The following HHIP variants were observed in gnomAD, a reference collection of about 807,000 sequenced individuals.
The protein encoded by HHIP is hedgehog-interacting protein.
In HHIP, 12 loss-of-function variants were observed where a neutral mutation model predicts 74.0. The observed-to-expected ratio is 0.16, with a 90% confidence interval of 0.10 to 0.26. The LOEUF (loss-of-function observed/expected upper bound fraction) is 0.26. HHIP is among the 10% of genes least tolerant of loss of function. The pLI, the probability that HHIP is intolerant of heterozygous loss-of-function variation, is 1.00. For synonymous variants in HHIP, 309 were observed against 311.6 expected (o/e 0.99, Z 0.09); for missense variants, 788 against 845.0 (o/e 0.93, Z 0.84).
chr4:144,729,001 A>G lies in HHIP; in HGVS notation c.1761-5740A>G, dbSNP rs1054439468. ...TGACACTGAAGAAAGAAACACCGATATGACCAGGAAAAATTCAGTGAGCAG... is the reference window on the plus strand; with the variant it reads ...TGACACTGAAGAAAGAAACACCGATGTGACCAGGAAAAATTCAGTGAGCAG... On this transcript the variant is annotated intron_variant, in intron 11 of 12. Coordinates refer to ENST00000296575, the MANE Select transcript of HHIP (RefSeq NM_022475.3). Among the ~76,000 whole-genome samples the G allele has an allele frequency of 3.9e-4, 60 of 152,192 alleles. 1 individual carries two copies. Among genetic ancestry groups the G allele is most frequent in the Admixed American group, 3.9e-3 (60 of 15,256 alleles).
rs61027437 is a variant in HHIP at position 144,728,177 on chromosome 4, A to C, written c.1761-6564A>C. Among the ~76,000 whole-genome samples the C allele has an allele frequency of 1.2e-3, 187 of 152,342 alleles. 1 individual carries two copies. Among genetic ancestry groups the C allele is most frequent in the African/African-American group, 4.3e-3 (180 of 41,578 alleles). ...AACCTGTGGCTCGATTCACTAAGTTACTACTGCTTTTGCCTCCTTTGAAAG... is the reference window on the plus strand; with the variant it reads ...AACCTGTGGCTCGATTCACTAAGTTCCTACTGCTTTTGCCTCCTTTGAAAG... On this transcript the variant is annotated intron_variant, in intron 11 of 12. Transcript: ENST00000296575.
chr4:144,648,358 G>A (rs1728327926), intron 1 of HHIP: 1 of 152,158 alleles, frequency 6.6e-6, no homozygotes, highest in South Asian at 2.1e-4. Context: ...AAATGTTCAT[G>A]CCTTTTGAGG....
intron 11 of HHIP, among the ~76,000 whole-genome samples, chr4:144,721,888 G>A (rs1730647838): frequency 6.7e-6 from 1 of 149,350 alleles, no homozygotes; most frequent in Non-Finnish European, 1.5e-5. Context: ...GGGTGACAGA[G>A]CAAGACTCTG....
rs57340751 is a variant in HHIP, at chr4:144,682,577, C to T, written c.831+22739C>T. Among the ~76,000 whole-genome samples, 661 of 152,334 alleles carry T rather than the reference C, an allele frequency of 4.3e-3. 5 individuals are homozygous for T. Among genetic ancestry groups the T allele is most frequent in the African/African-American group, 0.016 (646 of 41,576 alleles). ...AGAGAGAGAGATTGCATTCACTTCT[C>T]ATTGATATTTCAATCAATGGAATTT... On this transcript the variant is annotated intron_variant, in intron 4 of 12. Transcript: ENST00000296575.
chr4:144,696,497 T>G (rs764234025), intron 4 of HHIP, among the ~76,000 whole-genome samples: 3 of 151,978 alleles, frequency 2.0e-5, no homozygotes, highest in African/African-American at 7.2e-5. Flanking sequence ...TACTTAAGAC[T>G]GTTTCAAAAC....
intron 11 of HHIP, among the ~76,000 whole-genome samples, chr4:144,719,877 A>T (rs1730582569): frequency 6.6e-6 from 1 of 152,214 alleles, no homozygotes; most frequent in South Asian, 2.1e-4. Context: ...AATTAACTCT[A>T]ATAATCTGAA....
At position 144,675,846 on chromosome 4, in the gene HHIP, T is replaced by C. The variant is rs115301111; in HGVS notation, c.831+16008T>C. On this transcript the variant is annotated intron_variant, in intron 4 of 12. Transcript: ENST00000296575. The stretch of plus-strand genomic sequence containing the variant: ...ATGTGGAATATTTCCATAATCTCTT[T>C]GGTTTATATTTCAGTTTATAGCATA... Among the ~76,000 whole-genome samples, 311 of 152,310 alleles carry C rather than the reference T, an allele frequency of 2.0e-3. 2 individuals are homozygous for C. Among genetic ancestry groups the C allele is most frequent in the African/African-American group, 7.1e-3 (297 of 41,582 alleles).
intron 4 of HHIP, among the ~76,000 whole-genome samples, chr4:144,706,066 T>G (rs1292041425): frequency 6.6e-6 from 1 of 152,234 alleles, no homozygotes; most frequent in Non-Finnish European, 1.5e-5. Flanking sequence ...CACAAGCAAT[T>G]TAACTGTTTT....
At chr4:144,716,297 T>C (rs33915726) in intron 10 of HHIP, among the ~76,000 whole-genome samples, 85,412 of 151,910 alleles carry the variant, frequency 0.56, 24,277 homozygotes, top group South Asian at 0.76. Flanking sequence ...AGAAATAGTT[T>C]CATGCCCTTT....
intron 8 of HHIP, 91 bp downstream of exon 8, chr4:144,712,162 G>A (rs911920224): frequency 1.0e-5 from 12 of 1,154,196 alleles, no homozygotes; most frequent in African/African-American, 1.5e-5. Context: ...TCTGAAAAAT[G>A]AGCATTTGGG....
chr4:144,703,218 A>G (rs1730040333), intron 4 of HHIP, among the ~76,000 whole-genome samples: 1 of 151,878 alleles, frequency 6.6e-6, no homozygotes, highest in Admixed American at 6.6e-5. Context: ...CCATCTCAAA[A>G]AAAAAAAAGG....
At chr4:144,718,301 T>C (rs545998189) in intron 10 of HHIP, among the ~76,000 whole-genome samples, 3 of 152,178 alleles carry the variant, frequency 2.0e-5, no homozygotes, top group Admixed American at 6.5e-5. Flanking sequence ...GAGCCTGTAA[T>C]AGGGGCCTGG....
At position 144,738,108 on chromosome 4, in the gene HHIP, T is replaced by G; in HGVS notation, c.*151T>G. On this transcript the variant is annotated 3_prime_UTR_variant, in exon 13 of 13. Transcript: ENST00000296575. ...AATTTCCAGAAATGTGCAGATCCTC[T>G]GTGTGTATGTCAGCATGTTTGTTCA... is the stretch of plus-strand genomic sequence containing the variant. The G allele has an allele frequency of 7.5e-7, 1 of 1,332,602 alleles. No homozygotes were observed. Among genetic ancestry groups the G allele is most frequent in the African/African-American group, 1.5e-5 (1 of 67,558 alleles). The allele number at this position is 1,332,602 out of a possible 1,614,324, so 82.5% of individuals were successfully genotyped here.
chr4:144,715,523 C>G, intron 10 of HHIP, 93 bp downstream of exon 10: 1 of 1,210,250 alleles, frequency 8.3e-7, no homozygotes, highest in Non-Finnish European at 1.2e-6. Flanking sequence ...GCAATCTTAT[C>G]CTCTACTTGT....
At chr4:144,693,682 A>T (rs997910956) in intron 4 of HHIP, among the ~76,000 whole-genome samples, 23 of 152,062 alleles carry the variant, frequency 1.5e-4, no homozygotes, top group African/African-American at 5.5e-4. Context: ...CTTCATCCAG[A>T]TTAAACTTTT....
intron 8 of HHIP, among the ~76,000 whole-genome samples, 185 bp downstream of exon 8, chr4:144,712,256 G>A (rs886591601): frequency 6.6e-6 from 1 of 152,140 alleles, no homozygotes; most frequent in African/African-American, 2.4e-5. Context: ...CAAGCCCTGA[G>A]GGTTCCATCT....
intron 4 of HHIP, among the ~76,000 whole-genome samples, chr4:144,667,417 T>C (rs1728904806): frequency 6.6e-6 from 1 of 152,190 alleles, no homozygotes; most frequent in Non-Finnish European, 1.5e-5. Flanking sequence ...ATGATAGTGT[T>C]AGCATTCGCA....
Position 144,652,613 on chromosome 4 carries a change from TGTTACCAACAACACA to T in HHIP, c.290_304del (p.Val97_Thr101del). 1 of 1,597,954 alleles carries T rather than the reference TGTTACCAACAACACA, an allele frequency of 6.3e-7. No individual in the cohort carries two copies. Among genetic ancestry groups the T allele is most frequent in the Non-Finnish European group, 8.5e-7 (1 of 1,173,146 alleles). On this transcript the variant is annotated inframe_deletion, in exon 2 of 13. Transcript: ENST00000296575. ...TGATTTATGGCTTTCAGATATTTTCTGTTACCAACAACACAGAATGTGGGAAGTTACTGGAGGAAA... is the reference window on the plus strand; with the variant it reads ...TGATTTATGGCTTTCAGATATTTTCTGAATGTGGGAAGTTACTGGAGGAAA...
At chr4:144,660,904 A>G (rs2126590872) in intron 4 of HHIP, among the ~76,000 whole-genome samples, 1 of 152,324 alleles carries the variant, frequency 6.6e-6, no homozygotes, top group South Asian at 2.1e-4. Context: ...TAACCATAAT[A>G]CATATTGCCA....
Sources: allele counts gnomAD v4.1 joint callset (sites outside exome capture counted in the v4.1 genomes callset), GRCh38; gene constraint gnomAD v4.1.1; transcripts MANE v1.5; gene names NCBI Gene and HGNC (gene_info 2026-07-23, HGNC 2026-07-21).